The following PRTG variants were observed in gnomAD, a reference collection of about 807,000 sequenced individuals.
PRTG encodes the protein immunoglobulin superfamily, DCC subclass, member 5.
PRTG carries 67 observed loss-of-function variants against 122.5 expected under a neutral mutation model. The ratio of observed to expected loss-of-function variants is 0.55; its 90% CI spans 0.45 to 0.67. The LOEUF is 0.67. Among genes scored for constraint, PRTG ranks in the 30% least tolerant of loss-of-function variants. The pLI is 0.00. For synonymous variants in PRTG, 554 were observed against 501.1 expected, an observed-to-expected ratio of 1.11 and a Z score of -1.41; for missense variants, 1,435 against 1,415.4, an observed-to-expected ratio of 1.01 and a Z score of -0.22.
intron 2 of PRTG, among the ~76,000 whole-genome samples, chr15:55,723,288 G>A (rs2030897963): frequency 6.7e-6 from 1 of 150,258 alleles, no homozygotes; most frequent in Admixed American, 6.7e-5. Context: ...AATAACTTAA[G>A]ATAATAGTAT....
intron 15 of PRTG, among the ~76,000 whole-genome samples, chr15:55,631,213 C>G (rs2059225685): frequency 6.6e-6 from 1 of 151,970 alleles, no homozygotes; most frequent in Non-Finnish European, 1.5e-5. Flanking sequence ...TCCACTGTTG[C>G]TATGTTTTTA....
At chr15:55,671,433 A>T (rs1421636830) in intron 11 of PRTG, among the ~76,000 whole-genome samples, 1 of 152,256 alleles carries the variant, frequency 6.6e-6, no homozygotes, top group Admixed American at 6.5e-5. Context: ...ACAAATAGCT[A>T]AGTGTACATT....
chr15:55,673,325 C>T (rs1305951676), intron 10 of PRTG, 46 bp downstream of exon 10: 3 of 1,371,226 alleles, frequency 2.2e-6, no homozygotes, highest in Non-Finnish European at 3.0e-6. Flanking sequence ...AAACTTGATT[C>T]AAAAGTAAAA....
intron 2 of PRTG, chr15:55,702,952 C>G: frequency 2.0e-6 from 2 of 984,400 alleles, no homozygotes; most frequent in South Asian, 4.7e-5. Flanking sequence ...CCGGGGTCCC[C>G]TGACATTCTA....
intron 11 of PRTG, among the ~76,000 whole-genome samples, chr15:55,669,205 A>G (rs2059454860): frequency 6.6e-6 from 1 of 152,106 alleles, no homozygotes; most frequent in Admixed American, 6.6e-5. Context: ...CAGAAAGGGG[A>G]TTAGTATGAA....
intron 2 of PRTG, among the ~76,000 whole-genome samples, chr15:55,716,644 A>T (rs573422812): frequency 6.6e-6 from 1 of 152,324 alleles, no homozygotes; most frequent in African/African-American, 2.4e-5. Context: ...AGGAGAAAAA[A>T]ATTACTTCTC....
intron 2 of PRTG, among the ~76,000 whole-genome samples, chr15:55,695,513 G>A (rs2059627045): frequency 1.3e-5 from 2 of 152,170 alleles, no homozygotes; most frequent in Non-Finnish European, 1.5e-5. Context: ...TTCAGCCAGG[G>A]GATCCCAAGG....
chr15:55,709,083 T>G (rs949849863), intron 2 of PRTG, among the ~76,000 whole-genome samples: 2 of 133,284 alleles, frequency 1.5e-5, no homozygotes, highest in African/African-American at 5.7e-5. Context: ...GAGGCGGAGG[T>G]TGCGGTGAGC....
intron 2 of PRTG, chr15:55,703,087 G>A (rs1489863809): frequency 5.1e-6 from 1 of 197,182 alleles, no homozygotes; most frequent in Non-Finnish European, 9.1e-6. Context: ...AGTGAGAAAT[G>A]GATTTTCTAG....
chr15:55,621,071 CG>C (rs2059163536), intron 18 of PRTG, among the ~76,000 whole-genome samples: 1 of 152,018 alleles, frequency 6.6e-6, no homozygotes, highest in African/African-American at 2.4e-5. Context: ...ACAGGCAGTA[CG>C]GCTGGGCACA....
At chr15:55,682,273 A>T in intron 4 of PRTG, 91 bp downstream of exon 4, 1 of 1,076,896 alleles carries the variant, frequency 9.3e-7, no homozygotes. Context: ...ATGAAATTCT[A>T]CTTTATGGCA....
chr15:55,628,675 C>T (rs995597443), intron 16 of PRTG, 147 bp downstream of exon 16: 12 of 600,872 alleles, frequency 2.0e-5, no homozygotes, highest in African/African-American at 3.6e-5. Context: ...AGCCATGCAA[C>T]TCTATAACAT....
At chr15:55,654,146 T>C (rs1192155646) in intron 11 of PRTG, among the ~76,000 whole-genome samples, 2 of 152,210 alleles carry the variant, frequency 1.3e-5, no homozygotes, top group African/African-American at 4.8e-5. Flanking sequence ...ACTTTTCCTT[T>C]TGTGAATCAC....
intron 15 of PRTG, among the ~76,000 whole-genome samples, chr15:55,633,282 T>G (rs2059237915): frequency 6.6e-6 from 1 of 152,128 alleles, no homozygotes; most frequent in Non-Finnish European, 1.5e-5. Context: ...CGATCTCGGC[T>G]CACTGCAACT....
At chr15:55,700,972 C>A (rs1314981066) in intron 2 of PRTG, among the ~76,000 whole-genome samples, 2 of 152,080 alleles carry the variant, frequency 1.3e-5, no homozygotes, top group Non-Finnish European at 2.9e-5. Flanking sequence ...ATGAGTTGAA[C>A]AGATACTTTA....
intron 13 of PRTG, among the ~76,000 whole-genome samples, chr15:55,638,955 A>ATCATTCATTCATTCAT (rs56726387): frequency 1.6e-4 from 24 of 148,248 alleles, no homozygotes; most frequent in African/African-American, 3.8e-4. Context: ...TGGAAGTCAA[A>ATCATTCATTCATTCAT]TCATTCATTC....
chr15:55,638,826 T>C lies in PRTG; in HGVS notation c.2325-150A>G, dbSNP rs532242403. 260 of 660,454 alleles carry C rather than the reference T, an allele frequency of 3.9e-4. No individual in the cohort carries two copies. In the African/African-American group the frequency reaches 4.3e-3, roughly 11 times the overall value. The allele number at this position is 660,454 out of a possible 1,614,324, so 40.9% of individuals were successfully genotyped here. A position where few individuals can be genotyped will look rare whatever the true frequency, so the allele number is the denominator to read the frequency against. On this transcript the variant is annotated intron_variant, in intron 13 of 19. Coordinates refer to ENST00000389286, the MANE Select transcript of PRTG (RefSeq NM_173814.6). ...AAAATGTTTAGACTAAAGAACAATTTAATTGGACTTTAAAAAATACTACAT... is the reference window on the plus strand; with the variant it reads ...AAAATGTTTAGACTAAAGAACAATTCAATTGGACTTTAAAAAATACTACAT...
At chr15:55,724,959 C>T (rs1184234989) in intron 2 of PRTG, among the ~76,000 whole-genome samples, 3 of 152,140 alleles carry the variant, frequency 2.0e-5, no homozygotes, top group Non-Finnish European at 4.4e-5. Context: ...TGAACAGCTG[C>T]TCAAAGCCAT....
chr15:55,742,974 C>A lies in PRTG; in HGVS notation c.-43G>T, dbSNP rs2031667307. On this transcript the variant is annotated 5_prime_UTR_variant, in exon 1 of 20. Coordinates refer to ENST00000389286, the MANE Select transcript of PRTG (RefSeq NM_173814.6). ...GCATGCTCCCCGGCCGCCCAGAGCC[C>A]CTGTCCGTCTGCGGCCCCCGCCCCG... 7.0e-7 allele frequency: 1 copy of A among 1,419,706 alleles called. No individual in the cohort carries two copies. Among genetic ancestry groups the A allele is most frequent in the Non-Finnish European group, 9.2e-7 (1 of 1,089,968 alleles). 87.9% of individuals were successfully genotyped at this position (1,419,706 alleles called of 1,614,324 possible).
Sources: gnomAD v4.1 joint callset for allele counts (sites outside exome capture counted in the v4.1 genomes callset) on GRCh38, gnomAD v4.1.1 for gene constraint, MANE v1.5 for transcripts, NCBI Gene and HGNC (gene_info 2026-07-23, HGNC 2026-07-21) for gene names.